ADAM10: variants seen among roughly 807,000 people sequenced by gnomAD.
The protein encoded by ADAM10 is disintegrin and metalloproteinase domain-containing protein 10.
Under a neutral mutation model 90.1 loss-of-function variants are expected in ADAM10, and 17 were observed. That is an observed-to-expected ratio of 0.19 (90% CI 0.13 to 0.28). The LOEUF (loss-of-function observed/expected upper bound fraction) is 0.28. Ranked by LOEUF, ADAM10 falls within the 10% of genes least tolerant of loss-of-function variation. The pLI is 1.00. For missense variants in ADAM10, 610 were observed against 914.3 expected, an observed-to-expected ratio of 0.67 and a Z score of 4.29; for synonymous variants, 310 against 298.6, an observed-to-expected ratio of 1.04 and a Z score of -0.40.
intron 8 of ADAM10, among the ~76,000 whole-genome samples, chr15:58,634,379 T>C (rs1183170303): frequency 6.6e-6 from 1 of 151,810 alleles, no homozygotes; most frequent in East Asian, 1.9e-4. Flanking sequence ...CAAAAAAAAA[T>C]TAAAAACTGA....
At chr15:58,723,441 T>A (rs1898923476) in intron 1 of ADAM10, among the ~76,000 whole-genome samples, 3 of 151,886 alleles carry the variant, frequency 2.0e-5, no homozygotes, top group African/African-American at 4.8e-5. Context: ...TCCCAACAAT[T>A]TGGGAAGCTG....
chr15:58,695,636 T>C (rs1595628982), intron 2 of ADAM10, among the ~76,000 whole-genome samples: 1 of 150,696 alleles, frequency 6.6e-6, no homozygotes, highest in South Asian at 2.1e-4. Flanking sequence ...CAAAAAGATA[T>C]TTAAGTTTTA....
chr15:58,676,994 C>T (rs1470920977), intron 4 of ADAM10, among the ~76,000 whole-genome samples: 1 of 152,158 alleles, frequency 6.6e-6, no homozygotes, highest in African/African-American at 2.4e-5. Flanking sequence ...AATTTGCGAA[C>T]CACGGTCTAG....
chr15:58,698,313 T>C (rs1312343393), intron 2 of ADAM10: 3 of 448,256 alleles, frequency 6.7e-6, no homozygotes, highest in Admixed American at 2.4e-5. Flanking sequence ...GGCTCACATC[T>C]GTAATCCCAG....
chr15:58,715,806 T>C (rs1398226862), intron 2 of ADAM10, among the ~76,000 whole-genome samples: 1 of 152,306 alleles, frequency 6.6e-6, no homozygotes, highest in Non-Finnish European at 1.5e-5. Flanking sequence ...TTATTCAATA[T>C]GAATTACATG....
chr15:58,737,717 C>A (rs1194946281), intron 1 of ADAM10, among the ~76,000 whole-genome samples: 1 of 152,172 alleles, frequency 6.6e-6, no homozygotes, highest in Non-Finnish European at 1.5e-5. Context: ...TAGGTAGCAT[C>A]TTACTTCCCA....
Position 58,723,312 on chromosome 15 carries a change from A to C in ADAM10, c.56-5585T>G, listed in dbSNP as rs1898919332. Among the ~76,000 whole-genome samples, 8 of 152,136 alleles carry C rather than the reference A, an allele frequency of 5.3e-5. No individual in the cohort carries two copies. The South Asian group carries it at 1.7e-3, about 32-fold the overall frequency. ...GTGACTGCAGAAACGTGAATAAAAC[A>C]CAAAATAATCAGCCCCTCAAACTAA... On this transcript the variant is annotated intron_variant, in intron 1 of 15. Transcript: ENST00000260408.
chr15:58,602,617 T>C (rs1895142998), intron 14 of ADAM10, among the ~76,000 whole-genome samples: 1 of 152,042 alleles, frequency 6.6e-6, no homozygotes, highest in South Asian at 2.1e-4. Flanking sequence ...CATACGTACA[T>C]ATATATGCAC....
intron 5 of ADAM10, among the ~76,000 whole-genome samples, chr15:58,656,472 T>C (rs1329887992): frequency 6.6e-6 from 1 of 152,186 alleles, no homozygotes; most frequent in African/African-American, 2.4e-5. Context: ...TTATTTTTTG[T>C]GTATCTATCA....
intron 2 of ADAM10, among the ~76,000 whole-genome samples, chr15:58,689,142 C>T (rs1002482519): frequency 6.6e-6 from 1 of 152,034 alleles, no homozygotes; most frequent in Non-Finnish European, 1.5e-5. Context: ...TCTTAAAATC[C>T]ATCAAAGAGA....
intron 15 of ADAM10, among the ~76,000 whole-genome samples, chr15:58,598,356 AAAT>A (rs1895013319): frequency 6.6e-6 from 1 of 152,234 alleles, no homozygotes; most frequent in Non-Finnish European, 1.5e-5. Context: ...GAACTTCCTT[AAAT>A]ACTAACATAA....
At chr15:58,610,198 ATAGT>A (rs771378169) in intron 14 of ADAM10, 95 bp downstream of exon 14, 2 of 923,942 alleles carry the variant, frequency 2.2e-6, no homozygotes, top group Non-Finnish European at 3.4e-6. Flanking sequence ...TCTAATATAA[ATAGT>A]TAAGTTGTTT....
rs576362898 is a variant in ADAM10 at position 58,600,876 on chromosome 15, C to T, written c.2026-1152G>A. 4.6e-5 allele frequency among the ~76,000 whole-genome samples: 7 copies of T among 152,234 alleles called. No homozygotes were observed. In the East Asian group the frequency reaches 9.6e-4, roughly 21 times the overall value. On this transcript the variant is annotated intron_variant, in intron 14 of 15. Coordinates refer to ENST00000260408, the MANE Select transcript of ADAM10 (RefSeq NM_001110.4). ...TTACTACTAATAGTTTCCAGCAAAA[C>T]TCCCATTTAAGAAGACTGTCTATGA...
In ADAM10 at chr15:58,591,739, A is replaced by G. The variant is rs529120210; in HGVS notation, c.*5808T>C. The G allele has an allele frequency of 6.6e-6, 1 of 152,392 alleles. No homozygotes were observed. Among genetic ancestry groups the G allele is most frequent in the East Asian group, 1.9e-4 (1 of 5,196 alleles). 9.4% of individuals were successfully genotyped at this position (152,392 alleles called of 1,614,324 possible). On this transcript the variant is annotated 3_prime_UTR_variant, in exon 16 of 16. Coordinates refer to ENST00000260408, the MANE Select transcript of ADAM10 (RefSeq NM_001110.4). ...AATCCTTATTTTTAAGCAAAAACTT[A>G]TACATCGTATCATTTCATTTTTTAA...
chr15:58,653,071 C>T (rs545360740), intron 5 of ADAM10, among the ~76,000 whole-genome samples: 4 of 152,220 alleles, frequency 2.6e-5, no homozygotes, highest in East Asian at 3.9e-4. Context: ...GATTTTGTAT[C>T]CTGCAACTTT....
chr15:58,677,288 T>G (rs1297930988), intron 4 of ADAM10, among the ~76,000 whole-genome samples: 2 of 152,134 alleles, frequency 1.3e-5, no homozygotes, highest in African/African-American at 4.8e-5. Context: ...TGTTAAAAAG[T>G]TCTCCTTACC....
At chr15:58,732,872 T>G (rs1357015110) in intron 1 of ADAM10, 1 of 153,616 alleles carries the variant, frequency 6.5e-6, no homozygotes, top group East Asian at 1.9e-4. Context: ...CACCAGAAAG[T>G]TCACACTGGA....
intron 9 of ADAM10, 30 bp from the exon 10 acceptor site, chr15:58,627,913 C>A: frequency 6.2e-7 from 1 of 1,607,902 alleles, no homozygotes; most frequent in Non-Finnish European, 8.5e-7. Context: ...GTTACATAAA[C>A]AGGAAGTAAA....
intron 1 of ADAM10, among the ~76,000 whole-genome samples, chr15:58,744,543 C>T (rs191194262): frequency 1.3e-5 from 2 of 152,170 alleles, no homozygotes; most frequent in East Asian, 3.9e-4. Context: ...AACTACCAGG[C>T]CATTTCAGTC....
Sources: gnomAD v4.1 joint callset for allele counts (sites outside exome capture counted in the v4.1 genomes callset) on GRCh38, gnomAD v4.1.1 for gene constraint, MANE v1.5 for transcripts, NCBI Gene and HGNC (gene_info 2026-07-23, HGNC 2026-07-21) for gene names.